Variants in HIGD2B observed in about 807,000 individuals in gnomAD.
The protein encoded by HIGD2B is HIG1 domain family member 2B.
For missense variants in HIGD2B, 106 were observed against 67.0 expected (o/e 1.58, Z -2.03); for synonymous variants, 45 against 28.1 (o/e 1.60, Z -1.90).
intron 1 of HIGD2B, among the ~76,000 whole-genome samples, chr15:72,684,551 G>A (rs1263946606): frequency 1.3e-5 from 2 of 152,144 alleles, no homozygotes; most frequent in Non-Finnish European, 2.9e-5. Flanking sequence ...GCAATGGGAT[G>A]ATCTCAGCTC....
Position 72,680,092 on chromosome 15 carries a change from G to A in HIGD2B, c.-91C>T, listed in dbSNP as rs2064733133. The stretch of plus-strand genomic sequence containing the variant: ...CCTCATAGATTCCCTGCTTTTGCCT[G>A]GGCAAAATAGTCCATCAACCAAAGT... On this transcript the variant is annotated 5_prime_UTR_variant, in exon 2 of 3. An upstream open reading frame in the 5' UTR gains an earlier in-frame stop. Transcript: ENST00000311755. The A allele has an allele frequency of 1.7e-5, 6 of 352,280 alleles. No individual in the cohort carries two copies. Among genetic ancestry groups the A allele is most frequent in the Non-Finnish European group, 2.3e-5 (5 of 217,238 alleles). 21.8% of individuals were successfully genotyped at this position (352,280 alleles called of 1,614,324 possible).
In HIGD2B at chr15:72,680,013, AC is replaced by A. The variant is rs1398676725; in HGVS notation, c.-14+1del. 2 of 422,596 alleles carry A rather than the reference AC, an allele frequency of 4.7e-6. No homozygotes were observed. Among genetic ancestry groups the A allele is most frequent in the African/African-American group, 4.2e-5 (2 of 47,498 alleles). The allele number at this position is 422,596 out of a possible 1,614,324, so 26.2% of individuals were successfully genotyped here. On this transcript the variant is annotated splice_donor_variant, in intron 2 of 2. Coordinates refer to ENST00000311755, the MANE Select transcript of HIGD2B (RefSeq NM_001350932.3). LOFTEE classifies it low-confidence loss of function (5UTR_SPLICE). ...CTGCTGGTCCAAACATTTCCTACTTACATGGAACAGTGGAAAGTGCCAACAG... is the reference window on the plus strand; with the variant it reads ...CTGCTGGTCCAAACATTTCCTACTTAATGGAACAGTGGAAAGTGCCAACAG...
intron 1 of HIGD2B, among the ~76,000 whole-genome samples, chr15:72,682,032 G>A (rs2064755836): frequency 6.6e-6 from 1 of 152,134 alleles, no homozygotes; most frequent in African/African-American, 2.4e-5. Context: ...GCGAGTCACT[G>A]GGCCCAGCTT....
intron 2 of HIGD2B, among the ~76,000 whole-genome samples, chr15:72,676,947 A>G (rs1385793928): frequency 6.6e-6 from 1 of 152,194 alleles, no homozygotes; most frequent in Non-Finnish European, 1.5e-5. Context: ...AGAACTAAAT[A>G]CACACAAATG....
In HIGD2B at chr15:72,686,144, T is replaced by TCCTCCACAGC. The variant is rs1301117932; in HGVS notation, c.-529_-520dup. 1 of 1,399,036 alleles carries TCCTCCACAGC rather than the reference T, an allele frequency of 7.1e-7. No individual in the cohort carries two copies. Among genetic ancestry groups the TCCTCCACAGC allele is most frequent in the African/African-American group, 1.4e-5 (1 of 70,206 alleles). The allele number at this position is 1,399,036 out of a possible 1,614,324, so 86.7% of individuals were successfully genotyped here. ...ACTTCCTTCCCCCGCTTCCTCACAG[T>TCCTCCACAGC]CCTCCACAGCCCTACGACTTCCGCT... is the stretch of plus-strand genomic sequence containing the variant. On this transcript the variant is annotated 5_prime_UTR_variant, in exon 1 of 3. Coordinates refer to ENST00000311755, the MANE Select transcript of HIGD2B (RefSeq NM_001350932.3).
intron 1 of HIGD2B, among the ~76,000 whole-genome samples, chr15:72,680,740 T>C (rs986811527): frequency 1.3e-5 from 2 of 152,016 alleles, no homozygotes; most frequent in South Asian, 2.1e-4. Flanking sequence ...TACAAAAAAT[T>C]AGCTGGCCGT....
In HIGD2B at chr15:72,676,261, C is replaced by T. The variant is rs1271841611; in HGVS notation, c.114G>A (p.Lys38=). The T allele has an allele frequency of 1.3e-6, 1 of 767,140 alleles. No homozygotes were observed. Among genetic ancestry groups the T allele is most frequent in the East Asian group, 2.4e-5 (1 of 41,224 alleles). The allele number at this position is 767,140 out of a possible 1,614,324, so 47.5% of individuals were successfully genotyped here. ...VYSNPEGFKE[K]FLRKTRENPV... ...GATTCTCGCGGGTCTTGCGAAGGAA[C>T]TTTTCCTTGAAACCCTCTGGATTGC... Residue 38 remains lysine, a synonymous_variant, in exon 3 of 3, where the codon AAG becomes AAA. Transcript: ENST00000311755.
In HIGD2B at chr15:72,686,090, C is replaced by A; in HGVS notation, c.-465G>T. The A allele has an allele frequency of 1.1e-6, 1 of 902,972 alleles. No individual in the cohort carries two copies. Among genetic ancestry groups the A allele is most frequent in the Non-Finnish European group, 1.8e-6 (1 of 571,320 alleles). The allele number at this position is 902,972 out of a possible 1,614,324, so 55.9% of individuals were successfully genotyped here. On this transcript the variant is annotated 5_prime_UTR_variant, in exon 1 of 3. Transcript: ENST00000311755. ...TCTGTGGAGCAGACCCTAATCCTCC[C>A]CCTGATTCCTTAGGTCACTCGGCGA...
intron 1 of HIGD2B, among the ~76,000 whole-genome samples, chr15:72,681,753 C>G (rs931388004): frequency 2.6e-5 from 4 of 151,924 alleles, no homozygotes; most frequent in Non-Finnish European, 2.9e-5. Flanking sequence ...ATTACAGGCG[C>G]CTGCCACCAC....
rs1372372252 is a variant in HIGD2B, at chr15:72,675,898, G to A, written c.*156C>T. On this transcript the variant is annotated 3_prime_UTR_variant, in exon 3 of 3. Transcript: ENST00000311755. ...TCAAACAACAGAATCTGGGATTTTT[G>A]AAAAAATCTTTCAGTTATGGTTACA... 5 of 578,150 alleles carry A rather than the reference G, an allele frequency of 8.6e-6. No individual in the cohort carries two copies. Among genetic ancestry groups the A allele is most frequent in the Non-Finnish European group, 1.5e-5 (5 of 324,986 alleles). The allele number at this position is 578,150 out of a possible 1,614,324, so 35.8% of individuals were successfully genotyped here. A position where few individuals can be genotyped will look rare whatever the true frequency, so the allele number is the denominator to read the frequency against.
intron 1 of HIGD2B, among the ~76,000 whole-genome samples, chr15:72,685,495 A>G (rs909739131): frequency 1.3e-5 from 2 of 152,220 alleles, no homozygotes; most frequent in African/African-American, 4.8e-5. Context: ...TAGAAACACT[A>G]AACATTTAAT....
chr15:72,683,285 T>A, intron 1 of HIGD2B, among the ~76,000 whole-genome samples: 1 of 152,188 alleles, frequency 6.6e-6, no homozygotes, highest in East Asian at 1.9e-4. Context: ...ATTCCCCACA[T>A]CAGCAGAACT....
chr15:72,682,257 ATAGAG>A (rs1315733601), intron 1 of HIGD2B: 1 of 172,322 alleles, frequency 5.8e-6, no homozygotes, highest in African/African-American at 2.4e-5. Flanking sequence ...TAAGGGTGCT[ATAGAG>A]TAATTTATTT....
chr15:72,678,277 C>G (rs2064713588), intron 2 of HIGD2B, among the ~76,000 whole-genome samples: 1 of 152,084 alleles, frequency 6.6e-6, no homozygotes, highest in African/African-American at 2.4e-5. Flanking sequence ...CTGGGATCCA[C>G]TAGAACAGCT....
chr15:72,679,893 G>A (rs967550590), intron 2 of HIGD2B, 122 bp downstream of exon 2: 2 of 165,612 alleles, frequency 1.2e-5, no homozygotes, highest in Admixed American at 1.2e-4. Context: ...TTATCTGAGA[G>A]TGATGTTCCC....
At chr15:72,681,731 C>T (rs944161116) in intron 1 of HIGD2B, among the ~76,000 whole-genome samples, 3 of 151,768 alleles carry the variant, frequency 2.0e-5, no homozygotes, top group Admixed American at 1.3e-4. Context: ...CTCAGCCTCC[C>T]GAGTAGCTGG....
Position 72,675,958 on chromosome 15 carries a change from C to A in HIGD2B, c.*96G>T. 1 of 613,882 alleles carries A rather than the reference C, an allele frequency of 1.6e-6. No individual in the cohort carries two copies. Among genetic ancestry groups the A allele is most frequent in the Non-Finnish European group, 2.9e-6 (1 of 341,716 alleles). The allele number at this position is 613,882 out of a possible 1,614,324, so 38.0% of individuals were successfully genotyped here. A position where few individuals can be genotyped will look rare whatever the true frequency, so the allele number is the denominator to read the frequency against. ...ACTTCCTCCCCCAACGACACAGGGA[C>A]CTCTCAAAGGAGAGGAGAGAGTAAG... On this transcript the variant is annotated 3_prime_UTR_variant, in exon 3 of 3. Coordinates refer to ENST00000311755, the MANE Select transcript of HIGD2B (RefSeq NM_001350932.3).
chr15:72,685,212 C>T (rs1237234049), intron 1 of HIGD2B, among the ~76,000 whole-genome samples: 2 of 152,140 alleles, frequency 1.3e-5, no homozygotes, highest in Non-Finnish European at 1.5e-5. Context: ...GTGGGGTTCT[C>T]CCTCTCTTAG....
chr15:72,677,264 T>C (rs1349141600), intron 2 of HIGD2B, among the ~76,000 whole-genome samples: 1 of 151,866 alleles, frequency 6.6e-6, no homozygotes, highest in Non-Finnish European at 1.5e-5. Flanking sequence ...AGCCCATCTC[T>C]ACTAAAAATA....
Sources: allele counts gnomAD v4.1 joint callset (sites outside exome capture counted in the v4.1 genomes callset), GRCh38; gene constraint gnomAD v4.1.1; transcripts MANE v1.5; gene names NCBI Gene and HGNC (gene_info 2026-07-23, HGNC 2026-07-21).